Variants in CORO7 observed in about 807,000 individuals in gnomAD.
CORO7 encodes coronin-7.
Under a neutral mutation model 126.6 loss-of-function variants are expected in CORO7, and 107 were observed. The observed-to-expected ratio is 0.85, with a 90% CI of 0.72 to 0.99. The LOEUF is 0.99. CORO7 is among the 50% of genes least tolerant of loss of function. The pLI is 0.00. For missense variants in CORO7, 1,314 were observed against 1,255.8 expected, an observed-to-expected ratio of 1.05 and a Z score of -0.70; for synonymous variants, 603 against 536.8, an observed-to-expected ratio of 1.12 and a Z score of -1.70.
chr16:4,392,632 A>AC (rs1304218095), intron 7 of CORO7, among the ~76,000 whole-genome samples: 1 of 151,688 alleles, frequency 6.6e-6, no homozygotes, highest in African/African-American at 2.4e-5. Context: ...CCGCTCCCTG[A>AC]CCCCCAGCCA....
intron 9 of CORO7, 25 bp from the exon 10 acceptor site, chr16:4,365,570 G>A (rs1165890549): frequency 2.6e-6 from 4 of 1,566,646 alleles, no homozygotes; most frequent in Admixed American, 1.9e-5. Context: ...GCAAGATGGC[G>A]GGTCAGGGCA....
Position 4,355,587 on chromosome 16 carries a change from G to A in CORO7, c.2686-215C>T, listed in dbSNP as rs561591910. The A allele has an allele frequency of 1.3e-5, 7 of 550,252 alleles. 1 individual carries two copies. In the Admixed American group the frequency reaches 2.2e-4, roughly 17 times the overall value. 34.1% of individuals were successfully genotyped at this position (550,252 alleles called of 1,614,324 possible). ...GGGTTTACACCACTGTCCTGCCTCA[G>A]CCTCCCAAGGAGCTGGGATTACAGG... On this transcript the variant is annotated intron_variant, in intron 26 of 27. Coordinates refer to ENST00000251166, the MANE Select transcript of CORO7 (RefSeq NM_024535.5).
chr16:4,380,925 C>A (rs1341506593), intron 9 of CORO7: 1 of 1,581,278 alleles, frequency 6.3e-7, no homozygotes, highest in Middle Eastern at 1.7e-4. Context: ...TGCTACTGGC[C>A]CTGGGGCCTG....
At chr16:4,398,455 A>G (rs1393900630) in intron 6 of CORO7, among the ~76,000 whole-genome samples, 1 of 152,044 alleles carries the variant, frequency 6.6e-6, no homozygotes, top group Non-Finnish European at 1.5e-5. Context: ...CACTTGCGGT[A>G]AGGAGCTCGA....
rs1244896853 is a variant in CORO7 at position 4,359,583 on chromosome 16, G to A, written c.2147C>T (p.Ala716Val). The change falls in exon 22 of 28, where the codon GCC becomes GTC. Residue 716 changes from alanine (A) to valine (V), a missense_variant. By Grantham distance (64) the Ala-to-Val change is moderately conservative. Transcript: ENST00000251166. ...CACTGCCAAGGGTCCGCCGGCCAGG[G>A]CCTCAGCTTCATATAGGAGCAGCTG... ...ERQLLLYEAE[A>V]LAGGPLAVLG... The A allele has an allele frequency of 1.9e-6, 3 of 1,611,136 alleles. No homozygotes were observed. The highest frequency in any genetic ancestry group is 1.7e-5 in the Admixed American group (1 of 59,870).
intron 9 of CORO7, among the ~76,000 whole-genome samples, chr16:4,377,734 T>C (rs2054793148): frequency 6.6e-6 from 1 of 152,124 alleles, no homozygotes; most frequent in Non-Finnish European, 1.5e-5. Flanking sequence ...GCTTACAAAC[T>C]CTGGGGTTTT....
chr16:4,394,460 A>C (rs371004457), intron 7 of CORO7, among the ~76,000 whole-genome samples: 1 of 151,940 alleles, frequency 6.6e-6, no homozygotes, highest in African/African-American at 2.4e-5. Context: ...AAAAAAAAAA[A>C]AAAAAAACTC....
In CORO7 at chr16:4,388,057, G is replaced by A. The variant is rs747032459; in HGVS notation, c.714C>T (p.Arg238=). The part of the protein sequence containing the change: ...VSTGFNQMRE[R]EVKLWDTRFF... The stretch of plus-strand genomic sequence containing the variant: ...ACCGCGTGTCCCACAGCTTCACTTC[G>A]CGCTCACGCATCTGCAGGGAGGGCG... Residue 238 remains arginine, a synonymous_variant, in exon 9 of 28, where the codon CGC becomes CGT. Transcript: ENST00000251166. 3.0e-5 allele frequency: 49 copies of A among 1,612,528 alleles called. No individual in the cohort carries two copies. Among genetic ancestry groups the A allele is most frequent in the Admixed American group, 6.7e-5 (4 of 59,942 alleles).
chr16:4,393,499 C>G (rs1249280113), intron 7 of CORO7, among the ~76,000 whole-genome samples: 1 of 152,208 alleles, frequency 6.6e-6, no homozygotes. Flanking sequence ...CGGTCTTCAG[C>G]TGGACAAAAG....
rs367557264 is a variant in CORO7 at position 4,365,472 on chromosome 16, G to A, written c.840+19C>T. ...CTCCAGGCTGTGGATGTGGGTGGGA[G>A]CCCCAGCTTCTCACTCACCTTTCCT... On this transcript the variant is annotated intron_variant, in intron 10 of 27. Coordinates refer to ENST00000251166, the MANE Select transcript of CORO7 (RefSeq NM_024535.5). 2.9e-5 allele frequency: 45 copies of A among 1,557,278 alleles called. 1 individual carries two copies. The highest frequency in any genetic ancestry group is 1.7e-4 in the Middle Eastern group (1 of 5,958).
intron 1 of CORO7, 105 bp downstream of exon 1, chr16:4,416,354 G>A: frequency 2.2e-6 from 3 of 1,363,358 alleles, no homozygotes; most frequent in Middle Eastern, 2.7e-4. Flanking sequence ...GGAGGTCTCG[G>A]GGTTCCAGAC....
At chr16:4,374,344 CCCTGGGTGTGAGGAGGCTGGAGGAGGCT>C (rs1275621948) in intron 9 of CORO7, among the ~76,000 whole-genome samples, 3 of 152,148 alleles carry the variant, frequency 2.0e-5, no homozygotes, top group Non-Finnish European at 4.4e-5. Flanking sequence ...ATTCCAGCCT[CCCTGGGTGTGAGGAGGCTGGAGGAGGCT>C]CCCTCAGGCC....
At chr16:4,360,156 C>A (rs1268339514) in intron 21 of CORO7, 122 bp downstream of exon 21, 1 of 1,284,626 alleles carries the variant, frequency 7.8e-7, no homozygotes, top group Non-Finnish European at 1.1e-6. Context: ...TCTACCCACC[C>A]ACCCAACCAT....
chr16:4,402,540 C>T (rs141662444), intron 6 of CORO7, among the ~76,000 whole-genome samples: 11 of 152,316 alleles, frequency 7.2e-5, no homozygotes, highest in Non-Finnish European at 1.3e-4. Context: ...AGCCAGCGAC[C>T]GGCCACCCGC....
chr16:4,360,818 C>G, intron 19 of CORO7, 125 bp downstream of exon 19: 1 of 1,503,118 alleles, frequency 6.7e-7, no homozygotes, highest in Non-Finnish European at 8.8e-7. Flanking sequence ...GGCCCCACCC[C>G]TCCTCGCTGC....
At chr16:4,399,430 T>C (rs1228877968) in intron 6 of CORO7, among the ~76,000 whole-genome samples, 1 of 152,090 alleles carries the variant, frequency 6.6e-6, no homozygotes, top group African/African-American at 2.4e-5. Flanking sequence ...TCTAAAGTAG[T>C]CAAATTATAG....
rs758698458 is a variant in CORO7 at position 4,360,306 on chromosome 16, G to C, written c.2080C>G (p.Arg694Gly). ...GARIVWVCDG[R>G]CLLVSGFDSQ... ...TCAAAGCCAGACACCAGCAGACAGC[G>C]ACCATCACATACCCAGACAATGCGA... The change falls in exon 21 of 28, where the codon CGC becomes GGC. Residue 694 changes from arginine to glycine, a missense_variant. Coordinates refer to ENST00000251166, the MANE Select transcript of CORO7 (RefSeq NM_024535.5). 6.2e-7 allele frequency: 1 copy of C among 1,613,522 alleles called. No individual in the cohort carries two copies. The highest frequency in any genetic ancestry group is 8.5e-7 in the Non-Finnish European group (1 of 1,180,014).
rs144154833 is a variant in CORO7, at chr16:4,415,259, T to C, written c.60+1200A>G. On this transcript the variant is annotated intron_variant, in intron 1 of 27. Transcript: ENST00000251166. ...ACCACTCTGGACTCATCTGTCACCA[T>C]ACTGCTCCGGCCATCCCCTCCATCC... Among the ~76,000 whole-genome samples, 119 of 152,296 alleles carry C rather than the reference T, an allele frequency of 7.8e-4. 3 individuals carry two copies. In the East Asian group the frequency reaches 0.022, roughly 28 times the overall value.
intron 2 of CORO7, 43 bp from the exon 3 acceptor site, chr16:4,412,473 G>A: frequency 6.2e-7 from 1 of 1,605,658 alleles, no homozygotes; most frequent in Non-Finnish European, 8.5e-7. Context: ...GCCCCACAGG[G>A]CCACCCACCT....
Sources: allele counts gnomAD v4.1 joint callset (sites outside exome capture counted in the v4.1 genomes callset), GRCh38; gene constraint gnomAD v4.1.1; transcripts MANE v1.5; gene names NCBI Gene and HGNC (gene_info 2026-07-23, HGNC 2026-07-21).